Variants in ARHGAP18 observed in about 807,000 individuals in gnomAD.
ARHGAP18 encodes Rho GTPase activating protein 18.
ARHGAP18 carries 67 observed loss-of-function variants against 86.2 expected under a neutral mutation model. That is an observed-to-expected ratio of 0.78 (90% CI 0.64 to 0.95). The LOEUF (loss-of-function observed/expected upper bound fraction) is 0.95. Among genes scored for constraint, ARHGAP18 ranks in the 40% least tolerant of loss-of-function variants. The probability of loss-of-function intolerance (pLI) is 0.00; values close to 1 mark genes in which losing one functional copy is unlikely to be tolerated. For missense variants in ARHGAP18, 691 were observed against 780.4 expected (o/e 0.89, Z 1.37); for synonymous variants, 283 against 280.4 (o/e 1.01, Z -0.09).
At chr6:129,699,161 T>C (rs1774671382) in intron 1 of ARHGAP18, among the ~76,000 whole-genome samples, 1 of 152,194 alleles carries the variant, frequency 6.6e-6, no homozygotes, top group African/African-American at 2.4e-5. Context: ...CTTTACTAAA[T>C]TAATTACATT....
Position 129,633,989 on chromosome 6 carries a change from A to C in ARHGAP18, c.616+53T>G, listed in dbSNP as rs137971331. The C allele has an allele frequency of 3.4e-5, 49 of 1,450,200 alleles. 1 individual carries two copies. In the East Asian group the frequency reaches 1.1e-3, roughly 33 times the overall value. The allele number at this position is 1,450,200 out of a possible 1,614,324, so 89.8% of individuals were successfully genotyped here. A position where few individuals can be genotyped will look rare whatever the true frequency, so the allele number is the denominator to read the frequency against. ...AATGTTTTATAAGACTGTAACTGTTATACTAATTAAAGGGCGGAAAAAAAA... is the reference window on the plus strand; with the variant it reads ...AATGTTTTATAAGACTGTAACTGTTCTACTAATTAAAGGGCGGAAAAAAAA... On this transcript the variant is annotated intron_variant, in intron 4 of 14. Transcript: ENST00000368149.
At chr6:129,580,347 A>G (rs1212183120) in intron 13 of ARHGAP18, among the ~76,000 whole-genome samples, 1 of 152,232 alleles carries the variant, frequency 6.6e-6, no homozygotes, top group Non-Finnish European at 1.5e-5. Context: ...GGAATTATAC[A>G]TCTGAAGGCA....
chr6:129,705,843 ACTCCTCC>A, intron 1 of ARHGAP18, among the ~76,000 whole-genome samples: 1 of 152,104 alleles, frequency 6.6e-6, no homozygotes, highest in African/African-American at 2.4e-5. Flanking sequence ...TAGAGAGATA[ACTCCTCC>A]AAGGTCACAC....
chr6:129,648,629 C>T (rs1409081040), intron 1 of ARHGAP18, among the ~76,000 whole-genome samples: 1 of 151,630 alleles, frequency 6.6e-6, no homozygotes, highest in African/African-American at 2.4e-5. Flanking sequence ...AAAATTGTGT[C>T]ATGCTGGGCA....
intron 1 of ARHGAP18, among the ~76,000 whole-genome samples, chr6:129,648,188 T>C (rs1297271524): frequency 6.6e-6 from 1 of 152,016 alleles, no homozygotes; most frequent in East Asian, 2.0e-4. Flanking sequence ...TTTTGGTTTT[T>C]TGAGATGGGG....
At chr6:129,673,524 C>T (rs1479128965) in intron 1 of ARHGAP18, among the ~76,000 whole-genome samples, 1 of 152,176 alleles carries the variant, frequency 6.6e-6, no homozygotes, top group Non-Finnish European at 1.5e-5. Flanking sequence ...CATGCCTTAA[C>T]TATTAGTCAA....
chr6:129,604,411 C>T (rs142858198), intron 10 of ARHGAP18, among the ~76,000 whole-genome samples: 1 of 152,314 alleles, frequency 6.6e-6, no homozygotes, highest in East Asian at 1.9e-4. Flanking sequence ...ACTACTTGAA[C>T]TCATTTGAAT....
intron 1 of ARHGAP18, among the ~76,000 whole-genome samples, chr6:129,655,943 T>G (rs35188071): frequency 0.06 from 9,170 of 152,246 alleles, 414 homozygotes; most frequent in Middle Eastern, 0.099. Context: ...ATAATATACA[T>G]TTTCCATTTC....
At chr6:129,636,208 A>C (rs1022002584) in intron 3 of ARHGAP18, among the ~76,000 whole-genome samples, 4 of 152,230 alleles carry the variant, frequency 2.6e-5, no homozygotes, top group African/African-American at 9.7e-5. Context: ...TAACTTAAGC[A>C]AGTGCCTGGA....
intron 1 of ARHGAP18, among the ~76,000 whole-genome samples, chr6:129,685,079 A>G (rs1264018785): frequency 6.6e-6 from 1 of 152,164 alleles, no homozygotes; most frequent in Admixed American, 6.5e-5. Context: ...AGCCTCTGGA[A>G]CCAGGCTGCC....
intron 1 of ARHGAP18, among the ~76,000 whole-genome samples, chr6:129,690,287 C>A (rs1389022210): frequency 6.6e-6 from 1 of 152,116 alleles, no homozygotes; most frequent in Non-Finnish European, 1.5e-5. Flanking sequence ...CACTGCTGAA[C>A]TAAATATATG....
chr6:129,673,526 A>G (rs1774177035), intron 1 of ARHGAP18, among the ~76,000 whole-genome samples: 1 of 152,206 alleles, frequency 6.6e-6, no homozygotes, highest in South Asian at 2.1e-4. Context: ...TGCCTTAACT[A>G]TTAGTCAACA....
chr6:129,661,801 C>T, intron 1 of ARHGAP18: 1 of 905,980 alleles, frequency 1.1e-6, no homozygotes, highest in Non-Finnish European at 1.3e-6. Flanking sequence ...CCGTTCGGCC[C>T]TCCACCCTCA....
intron 5 of ARHGAP18, among the ~76,000 whole-genome samples, chr6:129,621,407 C>A (rs1052828027): frequency 1.4e-4 from 21 of 152,148 alleles, no homozygotes; most frequent in Non-Finnish European, 2.1e-4. Context: ...AAATAAACAG[C>A]AATGGACATC....
intron 6 of ARHGAP18, among the ~76,000 whole-genome samples, chr6:129,617,698 A>G (rs1414472921): frequency 2.0e-5 from 3 of 152,202 alleles, no homozygotes; most frequent in Non-Finnish European, 2.9e-5. Flanking sequence ...AACTGTTTAA[A>G]TTGTATTTCT....
intron 10 of ARHGAP18, among the ~76,000 whole-genome samples, chr6:129,602,761 A>G (rs1031715629): frequency 3.3e-5 from 5 of 152,186 alleles, no homozygotes; most frequent in African/African-American, 1.2e-4. Context: ...GACCAGAATA[A>G]TTGTTCAGGG....
intron 12 of ARHGAP18, among the ~76,000 whole-genome samples, chr6:129,587,540 C>T (rs1390483159): frequency 6.6e-6 from 1 of 152,174 alleles, no homozygotes; most frequent in Non-Finnish European, 1.5e-5. Context: ...CTCCTCATGG[C>T]TAGGGAGGCC....
At chr6:129,640,984 T>G (rs1257562419) in intron 2 of ARHGAP18, among the ~76,000 whole-genome samples, 9 of 152,182 alleles carry the variant, frequency 5.9e-5, no homozygotes, top group African/African-American at 2.2e-4. Context: ...TATCAAATAT[T>G]ATAGCAGAGA....
At chr6:129,626,970 C>G (rs1789489392) in intron 5 of ARHGAP18, among the ~76,000 whole-genome samples, 2 of 152,042 alleles carry the variant, frequency 1.3e-5, no homozygotes, top group South Asian at 4.1e-4. Flanking sequence ...GAGTCCTGAT[C>G]ATAGTCACAA....
Sources: allele counts gnomAD v4.1 joint callset (sites outside exome capture counted in the v4.1 genomes callset), GRCh38; gene constraint gnomAD v4.1.1; transcripts MANE v1.5; gene names NCBI Gene and HGNC (gene_info 2026-07-23, HGNC 2026-07-21).